Variants in AKAP1 observed in about 807,000 individuals in gnomAD.
AKAP1 encodes A-kinase anchor protein 1, mitochondrial.
Under a neutral mutation model 79.8 loss-of-function variants are expected in AKAP1, and 32 were observed. That is an observed-to-expected ratio of 0.40 (90% CI 0.30 to 0.54). AKAP1 has a LOEUF of 0.54. AKAP1 is among the 20% of genes least tolerant of loss of function. AKAP1 has a pLI of 0.47. For synonymous variants in AKAP1, 416 were observed against 466.7 expected, an observed-to-expected ratio of 0.89 and a Z score of 1.40; for missense variants, 961 against 1,138.9, an observed-to-expected ratio of 0.84 and a Z score of 2.25.
At chr17:57,108,183 G>C (rs1915016790) in intron 2 of AKAP1, 2 of 330,074 alleles carry the variant, frequency 6.1e-6, no homozygotes, top group Non-Finnish European at 1.0e-5. Context: ...TTCAGCTCCG[G>C]GTAGGTTGGG....
intron 1 of AKAP1, chr17:57,093,993 T>G (rs1011568598): frequency 6.6e-6 from 1 of 152,236 alleles, no homozygotes; most frequent in African/African-American, 2.4e-5. Flanking sequence ...GAACCTTGTT[T>G]ATGGCTGCAA....
intron 8 of AKAP1, among the ~76,000 whole-genome samples, chr17:57,117,944 C>T (rs1157143971): frequency 3.3e-5 from 5 of 152,160 alleles, no homozygotes; most frequent in Non-Finnish European, 7.3e-5. Flanking sequence ...CCCACCTTCA[C>T]CACTTGGGAG....
intron 3 of AKAP1, among the ~76,000 whole-genome samples, chr17:57,110,437 A>G (rs1877664524): frequency 6.6e-6 from 1 of 151,656 alleles, no homozygotes; most frequent in Non-Finnish European, 1.5e-5. Flanking sequence ...TGGTTCTTGC[A>G]TATTCTGGGG....
intron 2 of AKAP1, chr17:57,108,069 C>T (rs1194462328): frequency 8.6e-7 from 1 of 1,159,294 alleles, no homozygotes; most frequent in Non-Finnish European, 1.1e-6. Flanking sequence ...CCTGACCCTG[C>T]TTCTGCAGGC....
intron 1 of AKAP1, among the ~76,000 whole-genome samples, chr17:57,087,752 A>G (rs1438166123): frequency 6.6e-6 from 1 of 152,282 alleles, no homozygotes; most frequent in South Asian, 2.1e-4. Flanking sequence ...GTTTGGGAGG[A>G]AAAACGAATT....
chr17:57,099,399 C>G (rs1424379839), intron 1 of AKAP1, among the ~76,000 whole-genome samples: 1 of 152,190 alleles, frequency 6.6e-6, no homozygotes, highest in African/African-American at 2.4e-5. Context: ...GCAGTGACAC[C>G]TGGTTCCTGA....
chr17:57,116,111 T>C lies in AKAP1; in HGVS notation c.2282T>C (p.Ile761Thr), dbSNP rs1161263743. 3.7e-6 allele frequency: 6 copies of C among 1,612,470 alleles called. No homozygotes were observed. Among genetic ancestry groups the C allele is most frequent in the South Asian group, 1.1e-5 (1 of 91,074 alleles). Residue 761 changes from isoleucine (I) to threonine (T), a missense_variant and splice_region_variant, in exon 7 of 11, where the codon ATA (isoleucine) becomes ACA (threonine). Coordinates refer to ENST00000337714, the MANE Select transcript of AKAP1 (RefSeq NM_003488.4). ...ACGCACTCTGCTCCCTACCCTGCAG[T>C]AACGGTCATCTGTGCCGCCCCTGGT... The part of the protein sequence containing the change: ...GIPTLPTPVE[I>T]TVICAAPGAD...
chr17:57,120,401 G>A lies in AKAP1; in HGVS notation c.*77G>A, dbSNP rs376555503. 27 of 1,303,424 alleles carry A rather than the reference G, an allele frequency of 2.1e-5. No homozygotes were observed. Among genetic ancestry groups the A allele is most frequent in the East Asian group, 1.4e-4 (6 of 43,178 alleles). 80.7% of individuals were successfully genotyped at this position (1,303,424 alleles called of 1,614,324 possible). On this transcript the variant is annotated 3_prime_UTR_variant, in exon 11 of 11. Transcript: ENST00000337714. Reference sequence around the variant, plus strand: ...GGCACTCAAGTCAAAGATGAACATCGGAATAACAAACATTGTCCTCTCCAG... The same window carrying A: ...GGCACTCAAGTCAAAGATGAACATCAGAATAACAAACATTGTCCTCTCCAG...
intron 2 of AKAP1, 36 bp from the exon 3 acceptor site, chr17:57,109,989 T>C: frequency 6.2e-7 from 1 of 1,608,144 alleles, no homozygotes; most frequent in Non-Finnish European, 8.5e-7. Context: ...GAGTGGGGTC[T>C]GTGTGTGTGC....
chr17:57,106,183 A>T lies in AKAP1; in HGVS notation c.719A>T (p.Glu240Val). The change falls in exon 2 of 11, where the codon GAG becomes GTG. Residue 240 changes from glutamate (E) to valine (V), a missense_variant. Glu to Val is a moderately radical substitution (Grantham distance 121). Coordinates refer to ENST00000337714, the MANE Select transcript of AKAP1 (RefSeq NM_003488.4). ...NSKGPSLASL[E>V]GEEDKGKSSS... ...AAGGGCCCCAGCCTGGCCTCTTTAG[A>T]GGGGGAAGAAGATAAGGGGAAGAGC... is the stretch of plus-strand genomic sequence containing the variant. 6.2e-7 allele frequency: 1 copy of T among 1,614,030 alleles called. No individual in the cohort carries two copies. The highest frequency in any genetic ancestry group is 8.5e-7 in the Non-Finnish European group (1 of 1,179,994).
intron 1 of AKAP1, chr17:57,095,584 C>T (rs1483862141): frequency 6.6e-6 from 1 of 151,260 alleles, no homozygotes; most frequent in Non-Finnish European, 1.5e-5. Flanking sequence ...TCTGTGAGTG[C>T]CAGTAATTAT....
Position 57,107,010 on chromosome 17 carries a change from C to G in AKAP1, c.1546C>G (p.Leu516Val). 6.2e-7 allele frequency: 1 copy of G among 1,614,168 alleles called. No homozygotes were observed. The highest frequency in any genetic ancestry group is 8.5e-7 in the Non-Finnish European group (1 of 1,180,038). The change falls in exon 2 of 11, where the codon CTT becomes GTT. Residue 516 changes from leucine (L) to valine (V), a missense_variant. Transcript: ENST00000337714. ...HCSDSFSTSG[L>V]EDSCTETSSS... is the part of the protein sequence containing the mutation. ...CTCAGATTCTTTCAGCACTTCAGGG[C>G]TTGAAGACTCTTGCACAGAGACCAG...
intron 1 of AKAP1, among the ~76,000 whole-genome samples, chr17:57,102,841 C>G (rs994562572): frequency 3.9e-5 from 6 of 152,166 alleles, no homozygotes; most frequent in African/African-American, 1.4e-4. Flanking sequence ...CATCCCAGCA[C>G]TTTGGGAGGC....
At chr17:57,108,095 C>T (rs1298767905) in intron 2 of AKAP1, 2 of 1,087,828 alleles carry the variant, frequency 1.8e-6, no homozygotes, top group Non-Finnish European at 2.3e-6. Flanking sequence ...GGGGTGTTTT[C>T]ATTTATCTCA....
At chr17:57,098,927 ATT>A (rs33944971) in intron 1 of AKAP1, among the ~76,000 whole-genome samples, 84,657 of 146,820 alleles carry the variant, frequency 0.58, 24,500 homozygotes, top group East Asian at 0.8. Flanking sequence ...AAGCCCCGCT[ATT>A]TTTTTTTTTT....
chr17:57,112,006 C>T, intron 4 of AKAP1, 82 bp downstream of exon 4: 1 of 1,528,408 alleles, frequency 6.5e-7, no homozygotes, highest in Non-Finnish European at 8.9e-7. Flanking sequence ...CAATTGCTAT[C>T]TTTTTGGAAT....
chr17:57,108,119 C>T lies in AKAP1; in HGVS notation c.1714+941C>T, dbSNP rs932553913. 4.8e-6 allele frequency: 4 copies of T among 840,716 alleles called. No homozygotes were observed. In the African/African-American group the frequency reaches 5.6e-5, roughly 12 times the overall value. The allele number at this position is 840,716 out of a possible 1,614,324, so 52.1% of individuals were successfully genotyped here. On this transcript the variant is annotated intron_variant, in intron 2 of 10. Transcript: ENST00000337714. ...TCATTTATCTCATGGAGAGAGGCCA[C>T]GAATATCCCGAGTGGCTCTCTGACT...
chr17:57,098,171 C>T (rs917926), intron 1 of AKAP1, among the ~76,000 whole-genome samples: 31,431 of 152,204 alleles, frequency 0.21, 3,610 homozygotes, highest in East Asian at 0.41. Context: ...GGCTGTAGCA[C>T]GTGCCTAACT....
chr17:57,097,958 G>A (rs547687050), intron 1 of AKAP1, among the ~76,000 whole-genome samples: 3 of 152,206 alleles, frequency 2.0e-5, no homozygotes, highest in Non-Finnish European at 1.5e-5. Flanking sequence ...TAGTCACTGG[G>A]ACCAACACTC....
Sources: gnomAD v4.1 joint callset for allele counts (sites outside exome capture counted in the v4.1 genomes callset) on GRCh38, gnomAD v4.1.1 for gene constraint, MANE v1.5 for transcripts, NCBI Gene and HGNC (gene_info 2026-07-23, HGNC 2026-07-21) for gene names.